NFIB: variants seen among roughly 807,000 people sequenced by gnomAD.
NFIB encodes the protein nuclear factor 1 B-type.
NFIB carries 11 observed loss-of-function variants against 61.5 expected under a neutral mutation model. The ratio of observed to expected loss-of-function variants is 0.18; its 90% CI spans 0.11 to 0.30. The LOEUF is 0.30. NFIB is among the 10% of genes least tolerant of loss of function. NFIB has a pLI of 1.00. For synonymous variants in NFIB, 260 were observed against 216.5 expected (o/e 1.20, Z -1.76); for missense variants, 471 against 608.9 (o/e 0.77, Z 2.38).
chr9:14,341,705 T>A (rs1263319596), intron 1 of NFIB, among the ~76,000 whole-genome samples: 3 of 152,176 alleles, frequency 2.0e-5, no homozygotes, highest in Non-Finnish European at 4.4e-5. Context: ...ACATTTTTTA[T>A]GTGTTCACTC....
At chr9:14,200,667 C>T (rs1293950816) in intron 2 of NFIB, among the ~76,000 whole-genome samples, 2 of 152,126 alleles carry the variant, frequency 1.3e-5, no homozygotes, top group Non-Finnish European at 2.9e-5. Context: ...TTTCTGAGGG[C>T]TGCTTTCCTG....
the NFIB span, among the ~76,000 whole-genome samples, chr9:14,444,290 G>T: frequency 3.9e-5 from 6 of 152,192 alleles, no homozygotes; most frequent in African/African-American, 1.4e-4. Flanking sequence ...CACCTAGGGA[G>T]AGAGTGTAGA....
the NFIB span, among the ~76,000 whole-genome samples, chr9:14,500,010 G>A: frequency 3.9e-5 from 6 of 152,120 alleles, no homozygotes; most frequent in African/African-American, 9.7e-5. Flanking sequence ...AGTACCCGTC[G>A]GAGAGCGGGC....
chr9:14,177,559 T>A (rs1475307703), intron 3 of NFIB, among the ~76,000 whole-genome samples: 1 of 152,114 alleles, frequency 6.6e-6, no homozygotes, highest in Admixed American at 6.5e-5. Context: ...ATATTTTACA[T>A]TCTGGATAAT....
intron 2 of NFIB, among the ~76,000 whole-genome samples, chr9:14,247,011 C>G (rs545222165): frequency 1.3e-5 from 2 of 152,240 alleles, no homozygotes; most frequent in African/African-American, 2.4e-5. Context: ...CTCTCTCTCT[C>G]TCTGCTTTCT....
At chr9:14,364,252 T>A (rs996519310) in intron 1 of NFIB, among the ~76,000 whole-genome samples, 7 of 152,250 alleles carry the variant, frequency 4.6e-5, no homozygotes, top group African/African-American at 1.7e-4. Context: ...CTGAAGTGAG[T>A]TAGGAGTTAA....
chr9:14,291,352 G>C (rs2059084771), intron 2 of NFIB, among the ~76,000 whole-genome samples: 1 of 151,942 alleles, frequency 6.6e-6, no homozygotes, highest in South Asian at 2.1e-4. Flanking sequence ...AGGTGTGGTG[G>C]TATGCACCTG....
At chr9:14,333,320 G>A (rs997837238) in intron 1 of NFIB, among the ~76,000 whole-genome samples, 1 of 152,188 alleles carries the variant, frequency 6.6e-6, no homozygotes, top group Non-Finnish European at 1.5e-5. Flanking sequence ...TAGCTTGCAG[G>A]TATCAGAGGC....
the NFIB span, among the ~76,000 whole-genome samples, chr9:14,442,761 C>T: frequency 6.6e-6 from 1 of 152,178 alleles, no homozygotes; most frequent in African/African-American, 2.4e-5. Context: ...AATAAGGTCA[C>T]ATTCTGAGGA....
In NFIB at chr9:14,397,757, C is replaced by T. The variant is rs2061701641; in HGVS notation, c.108+767G>A. On this transcript the variant is annotated intron_variant, in intron 1 of 8. Transcript: ENST00000380934. Reference sequence around the variant, plus strand: ...GAGGTGTTCTGACATAGTAGCTATACAAAGACACCATTATTAATTAAGGTA... The same window carrying T: ...GAGGTGTTCTGACATAGTAGCTATATAAAGACACCATTATTAATTAAGGTA... Among the ~76,000 whole-genome samples the T allele has an allele frequency of 2.6e-5, 4 of 152,180 alleles. No homozygotes were observed. The South Asian group carries it at 6.2e-4, about 24-fold the overall frequency.
rs1263289902 is a variant in NFIB, at chr9:14,237,762, CAGTGTGTGTG to C, written c.563-57992_563-57983del. On this transcript the variant is annotated intron_variant, in intron 2 of 10. Transcript: ENST00000380953. ...AAGCTCCTCACCCTGCTAGGTATAA[CAGTGTGTGTG>C]TGTGTGTGTGTGTGTGTGTGTGTGT... is the stretch of plus-strand genomic sequence containing the variant. 4.9e-4 allele frequency among the ~76,000 whole-genome samples: 52 copies of C among 105,890 alleles called. 2 individuals are homozygous for C. Among genetic ancestry groups the C allele is most frequent in the African/African-American group, 2.0e-3 (49 of 24,384 alleles). The allele number at this position is 105,890 out of a possible 152,430, so 69.5% of individuals were successfully genotyped here.
chr9:14,505,398 G>A, the NFIB span, among the ~76,000 whole-genome samples: 1 of 152,092 alleles, frequency 6.6e-6, no homozygotes, highest in African/African-American at 2.4e-5. Flanking sequence ...TTCCCTAGGG[G>A]GACATTTAAT....
At chr9:14,360,723 T>G (rs1206504173) in intron 1 of NFIB, among the ~76,000 whole-genome samples, 1 of 151,984 alleles carries the variant, frequency 6.6e-6, no homozygotes, top group Admixed American at 6.6e-5. Context: ...TTTTTGTATT[T>G]TTAGTAGAGA....
chr9:14,326,439 T>C (rs1227852157), intron 1 of NFIB, among the ~76,000 whole-genome samples: 1 of 152,112 alleles, frequency 6.6e-6, no homozygotes, highest in East Asian at 1.9e-4. Context: ...GGTACAAAAA[T>C]AAATATACAC....
the NFIB span, among the ~76,000 whole-genome samples, chr9:14,511,644 C>T: frequency 6.6e-6 from 1 of 152,166 alleles, no homozygotes; most frequent in Non-Finnish European, 1.5e-5. Context: ...TCAGAACCCA[C>T]ACACTATGAC....
the NFIB span, among the ~76,000 whole-genome samples, chr9:14,452,410 T>TGGAAGGAA: frequency 2.4e-4 from 15 of 61,902 alleles, no homozygotes; most frequent in African/African-American, 4.0e-4. Flanking sequence ...CAGAGGGAGA[T>TGGAAGGAA]GGAAGGAAGG....
intron 10 of NFIB, among the ~76,000 whole-genome samples, chr9:14,091,711 T>C (rs1335393822): frequency 6.6e-6 from 1 of 152,002 alleles, no homozygotes; most frequent in Non-Finnish European, 1.5e-5. Context: ...AAAGAGAAGA[T>C]GAGCATAGCT....
the NFIB span, among the ~76,000 whole-genome samples, chr9:14,479,985 G>A: frequency 6.6e-6 from 1 of 151,598 alleles, no homozygotes; most frequent in East Asian, 1.9e-4. Flanking sequence ...GGAAGAAGGA[G>A]AAGGAGGCAG....
chr9:14,105,472 C>T lies in NFIB; in HGVS notation c.1467+7527G>A, dbSNP rs117428362. ...ACATTTCTTGAACTTTCTGAGGAGA[C>T]ACGCTATAACTTAAGCCAGGTTACT... On this transcript the variant is annotated intron_variant, in intron 10 of 10. Coordinates refer to ENST00000380953, the MANE Select transcript of NFIB (RefSeq NM_001190737.2). Among the ~76,000 whole-genome samples, 629 of 152,186 alleles carry T rather than the reference C, an allele frequency of 4.1e-3. 4 individuals are homozygous for T. The highest frequency in any genetic ancestry group is 6.6e-3 in the Non-Finnish European group (448 of 67,998).
Sources: gnomAD v4.1 joint callset for allele counts (sites outside exome capture counted in the v4.1 genomes callset) on GRCh38, gnomAD v4.1.1 for gene constraint, MANE v1.5 for transcripts, NCBI Gene and HGNC (gene_info 2026-07-23, HGNC 2026-07-21) for gene names.